The following TRAPPC9 variants were observed in gnomAD, a reference collection of about 807,000 sequenced individuals.
TRAPPC9 encodes the protein trafficking protein particle complex subunit 9.
TRAPPC9 carries 83 observed loss-of-function variants against 124.0 expected under a neutral mutation model. That is an observed-to-expected ratio of 0.67 (90% CI 0.56 to 0.80). TRAPPC9 has a LOEUF of 0.80. Among genes scored for constraint, TRAPPC9 ranks in the 30% least tolerant of loss-of-function variants. The probability of loss-of-function intolerance (pLI) is 0.00; values close to 1 mark genes in which losing one functional copy is unlikely to be tolerated. For missense variants in TRAPPC9, 1,302 were observed against 1,508.3 expected, an observed-to-expected ratio of 0.86 and a Z score of 2.27; for synonymous variants, 638 against 617.5, an observed-to-expected ratio of 1.03 and a Z score of -0.49.
chr8:139,839,695 C>A (rs1395808988), intron 21 of TRAPPC9, among the ~76,000 whole-genome samples: 2 of 152,206 alleles, frequency 1.3e-5, no homozygotes, highest in Non-Finnish European at 2.9e-5. Context: ...CCTACTCATC[C>A]TTCAGGTCAC....
chr8:140,276,751 C>T (rs894996939), intron 14 of TRAPPC9, among the ~76,000 whole-genome samples: 2 of 152,078 alleles, frequency 1.3e-5, no homozygotes, highest in Non-Finnish European at 2.9e-5. Context: ...AACACACACA[C>T]GGCTCCCTGG....
rs554084074 is a variant in TRAPPC9 at position 140,264,503 on chromosome 8, A to C, written c.2278+11155T>G. On this transcript the variant is annotated intron_variant, in intron 15 of 22. Coordinates refer to ENST00000438773, the MANE Select transcript of TRAPPC9 (RefSeq NM_001160372.4). ...ACCCGGGGAATTGTTACATTTCACCATCCCAGAAAGTCTGAGAACAAGGGG... is the reference window on the plus strand; with the variant it reads ...ACCCGGGGAATTGTTACATTTCACCCTCCCAGAAAGTCTGAGAACAAGGGG... Among the ~76,000 whole-genome samples, 22 of 151,670 alleles carry C rather than the reference A, an allele frequency of 1.5e-4. No individual in the cohort carries two copies. The East Asian group carries it at 3.1e-3, about 21-fold the overall frequency.
intron 16 of TRAPPC9, among the ~76,000 whole-genome samples, chr8:140,247,578 C>T (rs767403604): frequency 8.6e-5 from 13 of 151,538 alleles, no homozygotes; most frequent in Non-Finnish European, 1.3e-4. Flanking sequence ...TTTTTAATTA[C>T]AGAAAGTTTT....
At chr8:140,069,848 C>G (rs1843061099) in intron 17 of TRAPPC9, among the ~76,000 whole-genome samples, 1 of 152,250 alleles carries the variant, frequency 6.6e-6, no homozygotes, top group Non-Finnish European at 1.5e-5. Flanking sequence ...TCCAAAGCCA[C>G]AGGCCGAGAA....
chr8:139,924,892 GA>G (rs768628401), intron 19 of TRAPPC9, among the ~76,000 whole-genome samples: 2 of 152,172 alleles, frequency 1.3e-5, no homozygotes, highest in African/African-American at 2.4e-5. Flanking sequence ...TGAGTTACTG[GA>G]AACGGCCTTA....
chr8:140,154,120 G>A lies in TRAPPC9; in HGVS notation c.2556+67339C>T, dbSNP rs188281756. On this transcript the variant is annotated intron_variant, in intron 17 of 22. Coordinates refer to ENST00000438773, the MANE Select transcript of TRAPPC9 (RefSeq NM_001160372.4). ...CAGATCTAGGACTAAACTCATGATCGCCTCTACCTTACCTCTGCCAATAAA... is the reference window on the plus strand; with the variant it reads ...CAGATCTAGGACTAAACTCATGATCACCTCTACCTTACCTCTGCCAATAAA... 9.9e-5 allele frequency among the ~76,000 whole-genome samples: 15 copies of A among 152,178 alleles called. No individual in the cohort carries two copies. The South Asian group carries it at 2.1e-3, about 21-fold the overall frequency.
At chr8:139,794,265 G>A (rs1259110932) in intron 21 of TRAPPC9, among the ~76,000 whole-genome samples, 1 of 152,188 alleles carries the variant, frequency 6.6e-6, no homozygotes, top group Non-Finnish European at 1.5e-5. Flanking sequence ...GTCCCCTAAC[G>A]ATGTGCCGTG....
At chr8:140,034,735 A>G (rs1000196866) in intron 17 of TRAPPC9, among the ~76,000 whole-genome samples, 1 of 152,232 alleles carries the variant, frequency 6.6e-6, no homozygotes, top group African/African-American at 2.4e-5. Context: ...TCCTACCACA[A>G]TGCAGCACAG....
At chr8:139,829,802 CAT>C (rs1586936587) in intron 21 of TRAPPC9, among the ~76,000 whole-genome samples, 1 of 152,258 alleles carries the variant, frequency 6.6e-6, no homozygotes, top group South Asian at 2.1e-4. Flanking sequence ...ATGCTACACA[CAT>C]GAGCTAGGCT....
At chr8:140,357,524 C>A (rs2067789100) in intron 9 of TRAPPC9, among the ~76,000 whole-genome samples, 2 of 151,910 alleles carry the variant, frequency 1.3e-5, no homozygotes, top group South Asian at 4.2e-4. Context: ...ATTCTAAGCC[C>A]CTACACAGAG....
intron 14 of TRAPPC9, among the ~76,000 whole-genome samples, chr8:140,283,598 A>G (rs1363382376): frequency 2.0e-5 from 3 of 151,996 alleles, no homozygotes; most frequent in African/African-American, 2.4e-5. Context: ...GCCAGGCCAA[A>G]ATTCCCTATG....
intron 17 of TRAPPC9, among the ~76,000 whole-genome samples, chr8:140,203,998 T>TA (rs1382468089): frequency 6.6e-6 from 1 of 152,124 alleles, no homozygotes; most frequent in Admixed American, 6.5e-5. Flanking sequence ...TGGACGATGA[T>TA]ATGGTTTGGA....
At chr8:139,852,051 G>A (rs1827505702) in intron 21 of TRAPPC9, among the ~76,000 whole-genome samples, 1 of 152,146 alleles carries the variant, frequency 6.6e-6, no homozygotes, top group Non-Finnish European at 1.5e-5. Context: ...TGAATCATGG[G>A]GGCAGGTCTT....
At position 139,996,158 on chromosome 8, in the gene TRAPPC9, C is replaced by CAAAAAAAAAAAAAAAAAAAAAAAAAAAAG; in HGVS notation, c.2700-7323_2700-7322insCTTTTTTTTTTTTTTTTTTTTTTTTTTTT. Among the ~76,000 whole-genome samples the CAAAAAAAAAAAAAAAAAAAAAAAAAAAAG allele has an allele frequency of 2.1e-4, 4 of 19,424 alleles. 1 individual carries two copies. Among genetic ancestry groups the CAAAAAAAAAAAAAAAAAAAAAAAAAAAAG allele is most frequent in the African/African-American group, 8.3e-4 (4 of 4,806 alleles). 12.7% of individuals were successfully genotyped at this position (19,424 alleles called of 152,430 possible). ...AAAAAAAGAACCAGAAAAACTTAAG[C>CAAAAAAAAAAAAAAAAAAAAAAAAAAAAG]AAAAAAAAAAAAAAAAAAAAAAAAG... On this transcript the variant is annotated intron_variant, in intron 18 of 22. Transcript: ENST00000438773.
chr8:140,211,870 G>A (rs368890768), intron 17 of TRAPPC9, among the ~76,000 whole-genome samples: 32 of 152,308 alleles, frequency 2.1e-4, no homozygotes, highest in African/African-American at 7.0e-4. Flanking sequence ...GGCGCTTACA[G>A]TGATGGGGAG....
intron 9 of TRAPPC9, among the ~76,000 whole-genome samples, chr8:140,327,735 A>C (rs1003302085): frequency 1.3e-5 from 2 of 152,228 alleles, no homozygotes; most frequent in African/African-American, 4.8e-5. Flanking sequence ...AAGTAGAATG[A>C]TGGTTGCCAG....
At chr8:140,379,658 AG>A (rs1169935910) in intron 7 of TRAPPC9, among the ~76,000 whole-genome samples, 2 of 152,232 alleles carry the variant, frequency 1.3e-5, no homozygotes, top group African/African-American at 4.8e-5. Context: ...TTGCATAAAA[AG>A]AAAAAAATTA....
At chr8:139,852,353 C>T (rs1827534417) in intron 21 of TRAPPC9, among the ~76,000 whole-genome samples, 1 of 152,206 alleles carries the variant, frequency 6.6e-6, no homozygotes, top group South Asian at 2.1e-4. Flanking sequence ...CACTCCAGAA[C>T]ACTAGTGTGC....
chr8:140,156,006 G>T (rs1198950359), intron 17 of TRAPPC9, among the ~76,000 whole-genome samples: 1 of 152,148 alleles, frequency 6.6e-6, no homozygotes, highest in African/African-American at 2.4e-5. Flanking sequence ...GGAACTGGGG[G>T]GCCCGAGCTC....
Sources: gnomAD v4.1 joint callset for allele counts (sites outside exome capture counted in the v4.1 genomes callset) on GRCh38, gnomAD v4.1.1 for gene constraint, MANE v1.5 for transcripts, NCBI Gene and HGNC (gene_info 2026-07-23, HGNC 2026-07-21) for gene names.